Variants in PCDHA10 observed in about 807,000 individuals in gnomAD.
PCDHA10 encodes the protein protocadherin alpha-10.
PCDHA10 carries 45 observed loss-of-function variants against 61.2 expected under a neutral mutation model. The observed-to-expected ratio is 0.74, with a 90% CI of 0.58 to 0.94. The LOEUF is 0.94. Ranked by LOEUF, PCDHA10 falls within the 40% of genes least tolerant of loss-of-function variation. The pLI is 0.00. For missense variants in PCDHA10, 1,278 were observed against 1,236.2 expected (o/e 1.03, Z -0.51); for synonymous variants, 602 against 548.8 (o/e 1.10, Z -1.35).
At chr5:140,884,035 C>A (rs782637499) in intron 1 of PCDHA10, 1 of 1,613,396 alleles carries the variant, frequency 6.2e-7, no homozygotes, top group South Asian at 1.1e-5. Context: ...GTGCAGGCCA[C>A]GTGGTGGCGA....
intron 1 of PCDHA10, among the ~76,000 whole-genome samples, chr5:140,906,616 T>G (rs1339811951): frequency 6.6e-6 from 1 of 152,228 alleles, no homozygotes. Flanking sequence ...GTATTCCCTT[T>G]GCCTTCAGCA....
chr5:140,875,655 G>C, intron 1 of PCDHA10: 1 of 1,613,724 alleles, frequency 6.2e-7, no homozygotes, highest in Middle Eastern at 1.7e-4. Context: ...AGCTGGTGCC[G>C]CGCCTGTTCC....
At chr5:140,946,540 T>G (rs1182532418) in intron 1 of PCDHA10, among the ~76,000 whole-genome samples, 1 of 150,344 alleles carries the variant, frequency 6.7e-6, no homozygotes, top group African/African-American at 2.5e-5. Context: ...CATTGCAGCA[T>G]TATTCATGAT....
chr5:140,910,281 A>G (rs1198162778), intron 1 of PCDHA10, among the ~76,000 whole-genome samples: 4 of 151,152 alleles, frequency 2.6e-5, no homozygotes, highest in East Asian at 2.0e-4. Context: ...TAGGAACACC[A>G]TGATTAATCA....
intron 1 of PCDHA10, among the ~76,000 whole-genome samples, chr5:140,978,488 C>A (rs1453613410): frequency 6.6e-6 from 1 of 152,224 alleles, no homozygotes; most frequent in African/African-American, 2.4e-5. Context: ...TCTGCAAAGC[C>A]AGCAGCAGAT....
intron 1 of PCDHA10, among the ~76,000 whole-genome samples, chr5:140,945,480 C>A (rs2093795468): frequency 6.6e-6 from 1 of 151,728 alleles, no homozygotes; most frequent in South Asian, 2.1e-4. Context: ...CACAAAACAC[C>A]CCAAATACCC....
chr5:140,863,068 C>A, intron 1 of PCDHA10: 1 of 567,906 alleles, frequency 1.8e-6, no homozygotes. Context: ...CCACGTGGGG[C>A]TCTGCACGGG....
chr5:140,966,705 G>A, intron 1 of PCDHA10: 1 of 1,379,198 alleles, frequency 7.3e-7, no homozygotes, highest in Non-Finnish European at 9.3e-7. Context: ...CGGGCGTGGG[G>A]CACGGCTGGG....
chr5:140,925,596 T>G (rs1218423622), intron 1 of PCDHA10, among the ~76,000 whole-genome samples: 1 of 151,466 alleles, frequency 6.6e-6, no homozygotes, highest in Admixed American at 6.6e-5. Context: ...TGTATACATA[T>G]GTAACAAACC....
Position 140,856,141 on chromosome 5 carries a change from C to T in PCDHA10, c.93C>T (p.His31=), listed in dbSNP as rs782290263. The change falls in exon 1 of 4, where the codon CAC becomes CAT. Residue 31 remains histidine, a synonymous_variant. Coordinates refer to ENST00000307360, the MANE Select transcript of PCDHA10 (RefSeq NM_018901.4). The stretch of plus-strand genomic sequence containing the variant: ...GGGAGGTGGGGAGCGGCCAGCTCCA[C>T]TACTCAGTCTACGAGGAGGCCAGAC... ...AAWEVGSGQL[H]YSVYEEARHG... 3 of 1,598,260 alleles carry T rather than the reference C, an allele frequency of 1.9e-6. No individual in the cohort carries two copies. Among genetic ancestry groups the T allele is most frequent in the Middle Eastern group, 1.7e-4 (1 of 5,992 alleles).
intron 1 of PCDHA10, chr5:140,877,061 T>A (rs2056822485): frequency 3.1e-6 from 5 of 1,612,978 alleles, no homozygotes; most frequent in African/African-American, 1.3e-5. Flanking sequence ...GAGCTGGAGC[T>A]GCTGCAGTTC....
chr5:140,977,665 A>G (rs1554238741), intron 1 of PCDHA10, among the ~76,000 whole-genome samples: 1 of 152,202 alleles, frequency 6.6e-6, no homozygotes, highest in Non-Finnish European at 1.5e-5. Flanking sequence ...AATTCTCTGC[A>G]TGCCAAATAT....
rs181372488 is a variant in PCDHA10, at chr5:140,858,049, G to A, written c.2001G>A (p.Ser667=). 14,822 of 1,597,442 alleles carry A rather than the reference G, an allele frequency of 9.3e-3. 1,340 individuals carry two copies. Among genetic ancestry groups the A allele is most frequent in the Non-Finnish European group, 0.012 (13,697 of 1,167,420 alleles). The change falls in exon 1 of 4, where the codon TCG becomes TCA. Residue 667 remains serine (S), a synonymous_variant. Transcript: ENST00000307360. Reference sequence around the variant, plus strand: ...CGGCCACGGCCACTGTGCTTGTGTCGCTTGTGGAGGGCAGCCAGGCACCCA... The same window carrying A: ...CGGCCACGGCCACTGTGCTTGTGTCACTTGTGGAGGGCAGCCAGGCACCCA... The part of the protein sequence containing the change: ...SLTATATVLV[S]LVEGSQAPKA...
chr5:140,978,701 G>A (rs1240672824), intron 1 of PCDHA10, among the ~76,000 whole-genome samples: 1 of 152,236 alleles, frequency 6.6e-6, no homozygotes, highest in African/African-American at 2.4e-5. Context: ...AAAGCCAAAG[G>A]TGGCCTTTAC....
intron 1 of PCDHA10, among the ~76,000 whole-genome samples, chr5:140,879,645 G>T (rs1392592069): frequency 2.0e-5 from 3 of 152,228 alleles, no homozygotes; most frequent in Non-Finnish European, 4.4e-5. Flanking sequence ...GCTTCCTGTG[G>T]CTGCTATAAC....
chr5:140,863,258 G>A lies in PCDHA10; in HGVS notation c.2388+4822G>A, dbSNP rs1456133535. On this transcript the variant is annotated intron_variant, in intron 1 of 3. Transcript: ENST00000307360. The stretch of plus-strand genomic sequence containing the variant: ...CGGGCTTTGGCGGGCGTCGAGGTCC[G>A]GGAGGCAGCGCTGGTGGATGTCAAC... 8 of 1,445,594 alleles carry A rather than the reference G, an allele frequency of 5.5e-6. No homozygotes were observed. In the Admixed American group the frequency reaches 9.0e-5, roughly 16 times the overall value. The allele number at this position is 1,445,594 out of a possible 1,614,324, so 89.5% of individuals were successfully genotyped here.
chr5:140,948,005 T>G (rs246049), intron 1 of PCDHA10, among the ~76,000 whole-genome samples: 85,182 of 151,072 alleles, frequency 0.56, 24,606 homozygotes, highest in African/African-American at 0.69. Flanking sequence ...TTATTAAATT[T>G]AGGAAGTACC....
chr5:140,985,357 C>T (rs577732404), intron 3 of PCDHA10, among the ~76,000 whole-genome samples: 1 of 152,298 alleles, frequency 6.6e-6, no homozygotes, highest in East Asian at 1.9e-4. Flanking sequence ...TATAGACCCT[C>T]TGAGGTTATC....
At chr5:140,891,218 A>G (rs1554184722) in intron 1 of PCDHA10, among the ~76,000 whole-genome samples, 1 of 152,044 alleles carries the variant, frequency 6.6e-6, no homozygotes, top group African/African-American at 2.4e-5. Flanking sequence ...CTGTGTCTTT[A>G]TAATCATCCT....
Sources: gnomAD v4.1 joint callset for allele counts (sites outside exome capture counted in the v4.1 genomes callset) on GRCh38, gnomAD v4.1.1 for gene constraint, MANE v1.5 for transcripts, NCBI Gene and HGNC (gene_info 2026-07-23, HGNC 2026-07-21) for gene names.